GULP1: variants seen among roughly 807,000 people sequenced by gnomAD.
GULP1 encodes GULP PTB domain containing engulfment adaptor 1, also known as PTB domain-containing engulfment adapter protein 1.
A neutral mutation model predicts 40.9 loss-of-function variants in GULP1; 19 were observed. The observed-to-expected ratio is 0.46, with a 90% CI of 0.32 to 0.68. GULP1 has a LOEUF of 0.68. Ranked by LOEUF, GULP1 falls within the 30% of genes least tolerant of loss-of-function variation. GULP1 has a pLI of 0.03. For synonymous variants in GULP1, 119 were observed against 117.6 expected (o/e 1.01, Z -0.08); for missense variants, 312 against 362.2 (o/e 0.86, Z 1.12).
At chr2:188,390,285 T>C (rs1362327774) in intron 2 of GULP1, among the ~76,000 whole-genome samples, 2 of 152,180 alleles carry the variant, frequency 1.3e-5, no homozygotes, top group Admixed American at 6.6e-5. Flanking sequence ...AAATCTATTA[T>C]TGTCTTTTGA....
At chr2:188,426,396 C>T (rs6710531) in intron 2 of GULP1, among the ~76,000 whole-genome samples, 73,719 of 151,996 alleles carry the variant, frequency 0.49, 18,343 homozygotes, top group East Asian at 0.69. Flanking sequence ...CCTTTCTTAT[C>T]GGGACCTTAA....
chr2:188,374,477 C>G (rs1165082903), intron 1 of GULP1, among the ~76,000 whole-genome samples: 1 of 152,096 alleles, frequency 6.6e-6, no homozygotes, highest in Non-Finnish European at 1.5e-5. Context: ...TTATTTCTCT[C>G]TCATAGCTTT....
chr2:188,348,132 G>A (rs1027452341), intron 1 of GULP1, among the ~76,000 whole-genome samples: 6 of 152,084 alleles, frequency 3.9e-5, no homozygotes, highest in Admixed American at 6.6e-5. Context: ...ATTGAAAAAC[G>A]TGTTATTCAA....
intron 2 of GULP1, among the ~76,000 whole-genome samples, chr2:188,469,222 G>T (rs1398830496): frequency 6.6e-6 from 1 of 152,166 alleles, no homozygotes; most frequent in Non-Finnish European, 1.5e-5. Context: ...GGAAATAATG[G>T]CATTTTGGAG....
chr2:188,536,610 GT>G (rs1353929434), intron 6 of GULP1, among the ~76,000 whole-genome samples: 2 of 151,908 alleles, frequency 1.3e-5, no homozygotes, highest in Non-Finnish European at 2.9e-5. Context: ...CAGTCATCGG[GT>G]AATGTGATGC....
intron 1 of GULP1, among the ~76,000 whole-genome samples, chr2:188,354,378 G>A (rs1184705215): frequency 6.6e-6 from 1 of 152,176 alleles, no homozygotes; most frequent in Non-Finnish European, 1.5e-5. Flanking sequence ...CTGGGGAGCA[G>A]GGTAGACTAG....
At chr2:188,475,690 C>A (rs1185039041) in intron 2 of GULP1, among the ~76,000 whole-genome samples, 2 of 151,914 alleles carry the variant, frequency 1.3e-5, no homozygotes, top group African/African-American at 4.8e-5. Context: ...ATATTACGTT[C>A]TTTTTCTACT....
intron 1 of GULP1, among the ~76,000 whole-genome samples, chr2:188,355,733 G>A (rs984741052): frequency 2.0e-5 from 3 of 151,834 alleles, no homozygotes; most frequent in Non-Finnish European, 4.4e-5. Flanking sequence ...AAAACTATAG[G>A]CCAATATCCC....
chr2:188,365,533 C>G (rs531726323), intron 1 of GULP1, among the ~76,000 whole-genome samples: 1 of 152,122 alleles, frequency 6.6e-6, no homozygotes, highest in Non-Finnish European at 1.5e-5. Context: ...TTCTTGAGTG[C>G]TACCAATATT....
intron 5 of GULP1, among the ~76,000 whole-genome samples, chr2:188,525,798 A>C (rs1686027001): frequency 6.6e-6 from 1 of 152,048 alleles, no homozygotes; most frequent in Admixed American, 6.6e-5. Context: ...AGCCTAGTAG[A>C]TTTTCCATTT....
At chr2:188,573,867 C>T (rs1346628738) in intron 9 of GULP1, among the ~76,000 whole-genome samples, 1 of 152,056 alleles carries the variant, frequency 6.6e-6, no homozygotes, top group Non-Finnish European at 1.5e-5. Context: ...GTGAGAGGAG[C>T]CCCTAACACA....
At chr2:188,491,187 C>T (rs2062354014) in intron 4 of GULP1, among the ~76,000 whole-genome samples, 1 of 151,804 alleles carries the variant, frequency 6.6e-6, no homozygotes, top group South Asian at 2.1e-4. Flanking sequence ...CAAGCAATAG[C>T]ATTCTGAAGA....
chr2:188,299,444 T>G (rs923250215), intron 1 of GULP1, among the ~76,000 whole-genome samples: 4 of 152,226 alleles, frequency 2.6e-5, no homozygotes, highest in African/African-American at 4.8e-5. Flanking sequence ...TTTGGGACTT[T>G]CTTATTCAAT....
chr2:188,408,575 G>A lies in GULP1; in HGVS notation c.-45+24686G>A, dbSNP rs1450157900. On this transcript the variant is annotated intron_variant, in intron 2 of 11. Coordinates refer to ENST00000409830, the MANE Select transcript of GULP1 (RefSeq NM_016315.4). Reference sequence around the variant, plus strand: ...AGACTGTAGTACAATAATATTAGGGGACTTTGATACCCCACTTTCAACAAT... The same window carrying A: ...AGACTGTAGTACAATAATATTAGGGAACTTTGATACCCCACTTTCAACAAT... 2.0e-5 allele frequency among the ~76,000 whole-genome samples: 3 copies of A among 152,082 alleles called. 1 individual carries two copies. The highest frequency in any genetic ancestry group is 7.2e-5 in the African/African-American group (3 of 41,396).
At chr2:188,345,471 T>A (rs996763617) in intron 1 of GULP1, among the ~76,000 whole-genome samples, 2 of 152,128 alleles carry the variant, frequency 1.3e-5, no homozygotes, top group Non-Finnish European at 2.9e-5. Flanking sequence ...AACAATTTTT[T>A]AAAAAAGAAA....
intron 2 of GULP1, among the ~76,000 whole-genome samples, chr2:188,445,167 A>T (rs2058277048): frequency 6.6e-6 from 1 of 152,126 alleles, no homozygotes; most frequent in Non-Finnish European, 1.5e-5. Context: ...ATAAACCTTG[A>T]CGTTTGATGC....
At chr2:188,543,306 T>C (rs539487730) in intron 7 of GULP1, among the ~76,000 whole-genome samples, 3 of 152,234 alleles carry the variant, frequency 2.0e-5, no homozygotes, top group Admixed American at 1.3e-4. Flanking sequence ...TATTATCAAT[T>C]GGGGCTGGAG....
intron 1 of GULP1, among the ~76,000 whole-genome samples, chr2:188,361,879 G>A (rs141858852): frequency 6.6e-5 from 10 of 152,124 alleles, no homozygotes; most frequent in South Asian, 2.1e-4. Flanking sequence ...TTAATTCAAA[G>A]AGATTTTGAA....
At chr2:188,341,249 C>T (rs148992153) in intron 1 of GULP1, among the ~76,000 whole-genome samples, 6 of 152,130 alleles carry the variant, frequency 3.9e-5, no homozygotes, top group African/African-American at 1.4e-4. Context: ...GAAGCAGGAG[C>T]AGGCACATCG....
Sources: allele counts gnomAD v4.1 joint callset (sites outside exome capture counted in the v4.1 genomes callset), GRCh38; gene constraint gnomAD v4.1.1; transcripts MANE v1.5; gene names NCBI Gene and HGNC (gene_info 2026-07-23, HGNC 2026-07-21).